Variants in RFTN1 observed in about 807,000 individuals in gnomAD.
The protein encoded by RFTN1 is raftlin, lipid raft linker 1.
A neutral mutation model predicts 46.5 loss-of-function variants in RFTN1; 26 were observed. The ratio of observed to expected loss-of-function variants is 0.56; its 90% CI spans 0.41 to 0.78. RFTN1 has a LOEUF of 0.78. Among genes scored for constraint, RFTN1 ranks in the 30% least tolerant of loss-of-function variants. The pLI is 0.00. For synonymous variants in RFTN1, 261 were observed against 284.2 expected (o/e 0.92, Z 0.82); for missense variants, 693 against 718.7 (o/e 0.96, Z 0.41).
intron 3 of RFTN1, among the ~76,000 whole-genome samples, chr3:16,432,588 G>C (rs551494437): frequency 6.6e-6 from 1 of 152,204 alleles, no homozygotes; most frequent in East Asian, 1.9e-4. Flanking sequence ...CATAATCCCA[G>C]TGGTTTGGGA....
chr3:16,337,331 A>G lies in RFTN1; in HGVS notation c.1147-10455T>C, dbSNP rs1291377617. On this transcript the variant is annotated intron_variant, in intron 7 of 9. Coordinates refer to ENST00000334133, the MANE Select transcript of RFTN1 (RefSeq NM_015150.2). The surrounding 1 kb of genome is among the most constrained non-coding windows in gnomAD (Gnocchi z 5.0). The stretch of plus-strand genomic sequence containing the variant: ...GTTTGGGTTATGATTTTAACTCACT[A>G]AGCTTTGGGGAGCTTTATTACACAG... 6.6e-6 allele frequency: 1 copy of G among 152,224 alleles called. No individual in the cohort carries two copies. The highest frequency in any genetic ancestry group is 2.4e-5 in the African/African-American group (1 of 41,446). The allele number at this position is 152,224 out of a possible 1,614,324, so 9.4% of individuals were successfully genotyped here. A position where few individuals can be genotyped will look rare whatever the true frequency, so the allele number is the denominator to read the frequency against.
rs184651388 is a variant in RFTN1, at chr3:16,385,774, G to T, written c.442-7672C>A. ...GAGTCACCTCTGGCAGATTTTCCTT[G>T]GCCCAGAACATCCCAATCTTCCTCA... On this transcript the variant is annotated intron_variant, in intron 4 of 9. Coordinates refer to ENST00000334133, the MANE Select transcript of RFTN1 (RefSeq NM_015150.2). The surrounding 1 kb of genome is among the most constrained non-coding windows in gnomAD (Gnocchi z 5.0). Among the ~76,000 whole-genome samples the T allele has an allele frequency of 2.0e-5, 3 of 152,230 alleles. No individual in the cohort carries two copies. Among genetic ancestry groups the T allele is most frequent in the African/African-American group, 7.2e-5 (3 of 41,540 alleles).
In RFTN1 at chr3:16,481,068, T is replaced by C. The variant is rs1017068895; in HGVS notation, c.145+12657A>G. Among the ~76,000 whole-genome samples the C allele has an allele frequency of 3.9e-5, 6 of 151,966 alleles. No individual in the cohort carries two copies. The highest frequency in any genetic ancestry group is 1.5e-4 in the African/African-American group (6 of 41,378). On this transcript the variant is annotated intron_variant, in intron 2 of 9. Transcript: ENST00000334133. This position sits in a 1 kb window ranked among gnomAD's most constrained non-coding sequence, Gnocchi z 5.1. ...TCATACAAGACTGAGTAGTGTTGCT[T>C]CTTGGTCTGGATTTAGAGTAGCTGG...
At chr3:16,365,810 A>G (rs78800778) in intron 6 of RFTN1, among the ~76,000 whole-genome samples, 431 of 146,104 alleles carry the variant, frequency 2.9e-3, no homozygotes, top group Admixed American at 5.7e-3. Flanking sequence ...AGCCCTGACC[A>G]GATGAAACCA....
chr3:16,325,250 C>T (rs1429312286), intron 8 of RFTN1, among the ~76,000 whole-genome samples: 1 of 152,220 alleles, frequency 6.6e-6, no homozygotes, highest in African/African-American at 2.4e-5. Flanking sequence ...AACAAAAGCT[C>T]AGCTCAAGAG....
chr3:16,484,320 G>A lies in RFTN1; in HGVS notation c.145+9405C>T, dbSNP rs2076413356. Among the ~76,000 whole-genome samples, 1 of 152,160 alleles carries A rather than the reference G, an allele frequency of 6.6e-6. No homozygotes were observed. Among genetic ancestry groups the A allele is most frequent in the Non-Finnish European group, 1.5e-5 (1 of 68,026 alleles). ...CCAGACTGGAGGTCAAAGAAAAACT[G>A]GACCTGTAGAAAACTTATTGCGCAA... is the stretch of plus-strand genomic sequence containing the variant. On this transcript the variant is annotated intron_variant, in intron 2 of 9. Coordinates refer to ENST00000334133, the MANE Select transcript of RFTN1 (RefSeq NM_015150.2). This position sits in a 1 kb window ranked among gnomAD's most constrained non-coding sequence, Gnocchi z 4.6.
At position 16,385,620 on chromosome 3, in the gene RFTN1, C is replaced by T. The variant is rs148079927; in HGVS notation, c.442-7518G>A. Reference sequence around the variant, plus strand: ...TATTCATTTATTCATTCCATAACTACTTACTGAATACCAATTGGAATCACC... The same window carrying T: ...TATTCATTTATTCATTCCATAACTATTTACTGAATACCAATTGGAATCACC... On this transcript the variant is annotated intron_variant, in intron 4 of 9. Coordinates refer to ENST00000334133, the MANE Select transcript of RFTN1 (RefSeq NM_015150.2). This position sits in a 1 kb window ranked among gnomAD's most constrained non-coding sequence, Gnocchi z 5.0. Among the ~76,000 whole-genome samples, 16 of 152,336 alleles carry T rather than the reference C, an allele frequency of 1.1e-4. No individual in the cohort carries two copies. Among genetic ancestry groups the T allele is most frequent in the Admixed American group, 9.8e-4 (15 of 15,300 alleles).
intron 3 of RFTN1, among the ~76,000 whole-genome samples, chr3:16,430,124 G>A (rs966747440): frequency 1.3e-5 from 2 of 151,632 alleles, no homozygotes; most frequent in African/African-American, 4.8e-5. Context: ...TGTTGTTGTT[G>A]TTTCTTGAGA....
chr3:16,412,893 T>C (rs2075003882), intron 3 of RFTN1, among the ~76,000 whole-genome samples: 1 of 152,216 alleles, frequency 6.6e-6, no homozygotes, highest in Non-Finnish European at 1.5e-5. Context: ...AAGGAGATGA[T>C]TCCTGCCAAC....
chr3:16,368,998 T>C (rs2073373294), intron 6 of RFTN1, among the ~76,000 whole-genome samples: 1 of 152,250 alleles, frequency 6.6e-6, no homozygotes, highest in African/African-American at 2.4e-5. Flanking sequence ...CAAATGGTTA[T>C]GGACCACTAC....
chr3:16,318,738 G>A lies in RFTN1; in HGVS notation c.1333-1506C>T, dbSNP rs1367111180. Among the ~76,000 whole-genome samples, 4 of 152,192 alleles carry A rather than the reference G, an allele frequency of 2.6e-5. No homozygotes were observed. The East Asian group carries it at 7.7e-4, about 29-fold the overall frequency. Reference sequence around the variant, plus strand: ...CATTTATCTGGTCCTTTCCCACCCTGTATCCCCCAAAAAACCCAAATGAGT... The same window carrying A: ...CATTTATCTGGTCCTTTCCCACCCTATATCCCCCAAAAAACCCAAATGAGT... On this transcript the variant is annotated intron_variant, in intron 9 of 9. Coordinates refer to ENST00000334133, the MANE Select transcript of RFTN1 (RefSeq NM_015150.2).
At chr3:16,438,878 C>G (rs1037090566) in intron 2 of RFTN1, among the ~76,000 whole-genome samples, 1 of 152,152 alleles carries the variant, frequency 6.6e-6, no homozygotes, top group South Asian at 2.1e-4. Flanking sequence ...CCATGAAATC[C>G]TTCCCCATTC....
rs200423398 is a variant in RFTN1, at chr3:16,426,659, T to TTG, written c.332+7191_332+7192insCA. Among the ~76,000 whole-genome samples the TTG allele has an allele frequency of 0.013, 851 of 63,654 alleles. 29 individuals are homozygous for TTG. The highest frequency in any genetic ancestry group is 0.096 in the East Asian group (266 of 2,766). The allele number at this position is 63,654 out of a possible 152,430, so 41.8% of individuals were successfully genotyped here. Reference sequence around the variant, plus strand: ...CACTGTTATTTTGGCAATGAAAGGATCGTGTGTGTGTGTGTGTGTGTGTGT... The same window carrying TTG: ...CACTGTTATTTTGGCAATGAAAGGATTGCGTGTGTGTGTGTGTGTGTGTGTGT... On this transcript the variant is annotated intron_variant, in intron 3 of 9. Coordinates refer to ENST00000334133, the MANE Select transcript of RFTN1 (RefSeq NM_015150.2). This position sits in a 1 kb window ranked among gnomAD's most constrained non-coding sequence, Gnocchi z 5.9.
At chr3:16,485,837 C>A (rs761916918) in intron 2 of RFTN1, among the ~76,000 whole-genome samples, 1 of 152,200 alleles carries the variant, frequency 6.6e-6, no homozygotes, top group Admixed American at 6.5e-5. Flanking sequence ...TGGCAGTTGG[C>A]GCTGAGCTCT....
At chr3:16,357,089 T>C (rs1279003979) in intron 7 of RFTN1, among the ~76,000 whole-genome samples, 3 of 143,162 alleles carry the variant, frequency 2.1e-5, no homozygotes, top group African/African-American at 7.8e-5. Flanking sequence ...CACTCCAGCC[T>C]GGGCGACAGA....
rs974422783 is a variant in RFTN1 at position 16,400,985 on chromosome 3, C to A, written c.441+8390G>T. Among the ~76,000 whole-genome samples, 1 of 152,012 alleles carries A rather than the reference C, an allele frequency of 6.6e-6. No individual in the cohort carries two copies. Among genetic ancestry groups the A allele is most frequent in the African/African-American group, 2.4e-5 (1 of 41,390 alleles). The stretch of plus-strand genomic sequence containing the variant: ...TGGAACCTGCCTCCATCTTTTATCA[C>A]CTCTTCTCTCCCAATACCTTTCAGC... On this transcript the variant is annotated intron_variant, in intron 4 of 9. Transcript: ENST00000334133. The surrounding 1 kb of genome is among the most constrained non-coding windows in gnomAD (Gnocchi z 4.5).
intron 3 of RFTN1, among the ~76,000 whole-genome samples, chr3:16,414,309 A>C (rs1359293417): frequency 2.0e-5 from 3 of 149,492 alleles, no homozygotes; most frequent in Non-Finnish European, 4.4e-5. Context: ...AAAAAAAAAA[A>C]AGAAAGAAAG....
chr3:16,418,780 T>A lies in RFTN1; in HGVS notation c.333-9297A>T, dbSNP rs1303394776. Among the ~76,000 whole-genome samples the A allele has an allele frequency of 1.3e-5, 2 of 152,134 alleles. No homozygotes were observed. The highest frequency in any genetic ancestry group is 2.9e-5 in the Non-Finnish European group (2 of 68,014). On this transcript the variant is annotated intron_variant, in intron 3 of 9. Transcript: ENST00000334133. This position sits in a 1 kb window ranked among gnomAD's most constrained non-coding sequence, Gnocchi z 5.0. ...AAAGCTATTCCTAGTTTCATTAACT[T>A]ACGTATAACTAATGACAATAAAAAT...
At chr3:16,371,385 ACTTTC>A (rs2073493249) in intron 5 of RFTN1, among the ~76,000 whole-genome samples, 1 of 152,134 alleles carries the variant, frequency 6.6e-6, no homozygotes, top group Non-Finnish European at 1.5e-5. Flanking sequence ...TAATTGACTC[ACTTTC>A]CTTTATTTAA....
Sources: allele counts gnomAD v4.1 joint callset (sites outside exome capture counted in the v4.1 genomes callset), GRCh38; gene constraint gnomAD v4.1.1; non-coding constraint Gnocchi (gnomAD v3.1); transcripts MANE v1.5; gene names NCBI Gene and HGNC (gene_info 2026-07-23, HGNC 2026-07-21).